Variants in CSMD3 observed in about 807,000 individuals in gnomAD.
The protein encoded by CSMD3 is CUB and sushi domain-containing protein 3.
Under a neutral mutation model 435.2 loss-of-function variants are expected in CSMD3, and 177 were observed. That is an observed-to-expected ratio of 0.41 (90% confidence interval 0.36 to 0.46). The LOEUF (loss-of-function observed/expected upper bound fraction) is 0.46, where lower values mean the gene tolerates loss of function less well. CSMD3 is among the 20% of genes least tolerant of loss of function. The pLI, the probability that CSMD3 is intolerant of heterozygous loss-of-function variation, is 0.34. For synonymous variants in CSMD3, 1,656 were observed against 1,520.5 expected, an observed-to-expected ratio of 1.09 and a Z score of -2.07; for missense variants, 4,265 against 4,504.6, an observed-to-expected ratio of 0.95 and a Z score of 1.52.
At chr8:113,028,965 A>T (rs1158669701) in intron 5 of CSMD3, among the ~76,000 whole-genome samples, 1 of 151,664 alleles carries the variant, frequency 6.6e-6, no homozygotes, top group African/African-American at 2.4e-5. Context: ...CTACTGAAAG[A>T]AAATGTCATG....
intron 35 of CSMD3, among the ~76,000 whole-genome samples, chr8:112,397,392 C>G (rs1428877086): frequency 6.6e-6 from 1 of 152,128 alleles, no homozygotes; most frequent in East Asian, 1.9e-4. Flanking sequence ...GGTAATATGT[C>G]TTTTTCATGT....
At chr8:112,771,091 A>C (rs2078101866) in intron 13 of CSMD3, among the ~76,000 whole-genome samples, 1 of 152,116 alleles carries the variant, frequency 6.6e-6, no homozygotes, top group African/African-American at 2.4e-5. Flanking sequence ...CTTCAACATT[A>C]ATTGGAAAAA....
At chr8:113,211,924 GA>G (rs1157380905) in intron 3 of CSMD3, among the ~76,000 whole-genome samples, 2 of 151,986 alleles carry the variant, frequency 1.3e-5, no homozygotes, top group East Asian at 3.9e-4. Flanking sequence ...TGCCATGTAT[GA>G]AAAAAGAAGA....
At chr8:112,430,896 ATGTGTGTG>A (rs61496543) in intron 32 of CSMD3, among the ~76,000 whole-genome samples, 7 of 148,586 alleles carry the variant, frequency 4.7e-5, no homozygotes, top group Admixed American at 1.4e-4. Flanking sequence ...TTGTGTGTAT[ATGTGTGTG>A]TGTGTGTGTG....
chr8:112,775,839 A>G (rs1370476522), intron 13 of CSMD3, among the ~76,000 whole-genome samples: 1 of 151,916 alleles, frequency 6.6e-6, no homozygotes, highest in African/African-American at 2.4e-5. Context: ...AAAATGTGCT[A>G]ATTTTCACAA....
rs527952216 is a variant in CSMD3, at chr8:112,495,997, A to AT, written c.5084-3315dup. ...CATACACAATAAAGCTTACGTCTTAATTTTTTTTGTAGCCCAGGCTGGAGT... is the reference window on the plus strand; with the variant it reads ...CATACACAATAAAGCTTACGTCTTAATTTTTTTTTGTAGCCCAGGCTGGAGT... On this transcript the variant is annotated intron_variant, in intron 30 of 70. Coordinates refer to ENST00000297405, the MANE Select transcript of CSMD3 (RefSeq NM_198123.2). 7.9e-5 allele frequency among the ~76,000 whole-genome samples: 12 copies of AT among 151,630 alleles called. No homozygotes were observed. The East Asian group carries it at 2.1e-3, about 27-fold the overall frequency.
chr8:113,197,083 T>C (rs898320243), intron 3 of CSMD3, among the ~76,000 whole-genome samples: 2 of 151,228 alleles, frequency 1.3e-5, no homozygotes, highest in African/African-American at 2.4e-5. Context: ...ACTGATTAAA[T>C]AGAGTGATAA....
At chr8:112,847,765 G>T (rs186789627) in intron 11 of CSMD3, among the ~76,000 whole-genome samples, 1 of 152,180 alleles carries the variant, frequency 6.6e-6, no homozygotes, top group East Asian at 1.9e-4. Context: ...GTGGCAAAAG[G>T]CTATCTCTAA....
intron 5 of CSMD3, among the ~76,000 whole-genome samples, chr8:113,064,024 T>A (rs144730271): frequency 2.3e-3 from 348 of 151,656 alleles, no homozygotes; most frequent in African/African-American, 8.0e-3. Context: ...AGTCCTTTAA[T>A]AATATATTAA....
chr8:112,506,870 A>G, intron 28 of CSMD3, 41 bp from the exon 29 acceptor site: 1 of 1,538,180 alleles, frequency 6.5e-7, no homozygotes. Context: ...TTAAACATTA[A>G]TACAATTTAT....
At chr8:113,436,153 C>T (rs994907528) in intron 1 of CSMD3, among the ~76,000 whole-genome samples, 5 of 152,178 alleles carry the variant, frequency 3.3e-5, no homozygotes, top group African/African-American at 1.2e-4. Context: ...AATTTACATA[C>T]ATATGCATGC....
At chr8:113,212,681 T>C (rs2132086074) in intron 3 of CSMD3, among the ~76,000 whole-genome samples, 1 of 151,572 alleles carries the variant, frequency 6.6e-6, no homozygotes, top group East Asian at 2.0e-4. Flanking sequence ...AGGTGGGAAT[T>C]GAACAATGAG....
At chr8:113,127,089 A>G (rs1194310987) in intron 4 of CSMD3, among the ~76,000 whole-genome samples, 1 of 151,994 alleles carries the variant, frequency 6.6e-6, no homozygotes, top group Non-Finnish European at 1.5e-5. Flanking sequence ...ATAAATTTAT[A>G]TATTATACAA....
At chr8:112,664,126 A>T (rs905510840) in intron 17 of CSMD3, among the ~76,000 whole-genome samples, 1 of 152,200 alleles carries the variant, frequency 6.6e-6, no homozygotes, top group African/African-American at 2.4e-5. Flanking sequence ...CTGATACAAA[A>T]TAATGTTTAG....
intron 22 of CSMD3, among the ~76,000 whole-genome samples, chr8:112,625,588 T>C (rs1834414175): frequency 6.6e-6 from 1 of 152,116 alleles, no homozygotes; most frequent in African/African-American, 2.4e-5. Context: ...CCATCACCTT[T>C]GAAATACACT....
At chr8:112,821,469 T>C (rs1367867508) in intron 12 of CSMD3, among the ~76,000 whole-genome samples, 1 of 152,212 alleles carries the variant, frequency 6.6e-6, no homozygotes, top group Non-Finnish European at 1.5e-5. Flanking sequence ...TATCTGTTCA[T>C]GTCCTTGACC....
chr8:112,264,165 G>A (rs1218993507), intron 60 of CSMD3, among the ~76,000 whole-genome samples: 1 of 152,054 alleles, frequency 6.6e-6, no homozygotes, highest in Non-Finnish European at 1.5e-5. Flanking sequence ...ATGACCTTTA[G>A]ACAGACAAGA....
intron 1 of CSMD3, among the ~76,000 whole-genome samples, chr8:113,372,288 C>A (rs549898466): frequency 6.6e-6 from 1 of 152,190 alleles, no homozygotes; most frequent in East Asian, 1.9e-4. Flanking sequence ...CCTTTGTTAT[C>A]TTATTATTCT....
In CSMD3 at chr8:113,153,076, A is replaced by G. The variant is rs142678543; in HGVS notation, c.709+20646T>C. Among the ~76,000 whole-genome samples the G allele has an allele frequency of 9.1e-4, 81 of 89,202 alleles. No individual in the cohort carries two copies. In the East Asian group the frequency reaches 0.05, roughly 55 times the overall value. The allele number at this position is 89,202 out of a possible 152,430, so 58.5% of individuals were successfully genotyped here. On this transcript the variant is annotated intron_variant, in intron 4 of 70. Transcript: ENST00000297405. ...AGAGAGAAAAAAGAAAAAAGAAAGA[A>G]AAAGAAAGAAAGAAAGAAAGAAAGA...
Sources: allele counts gnomAD v4.1 joint callset (sites outside exome capture counted in the v4.1 genomes callset), GRCh38; gene constraint gnomAD v4.1.1; transcripts MANE v1.5; gene names NCBI Gene and HGNC (gene_info 2026-07-23, HGNC 2026-07-21).